The following MAP3K7CL variants were observed in gnomAD, a reference collection of about 807,000 sequenced individuals.
MAP3K7CL encodes MAP3K7 C-terminal like, also known as MAP3K7 C-terminal-like protein.
MAP3K7CL carries 16 observed loss-of-function variants against 18.6 expected under a neutral mutation model. The ratio of observed to expected loss-of-function variants is 0.86; its 90% CI spans 0.58 to 1.31. MAP3K7CL has a LOEUF of 1.31. MAP3K7CL is among the 50% of genes most tolerant of loss of function. The pLI is 0.00. For missense variants in MAP3K7CL, 163 were observed against 174.4 expected (o/e 0.93, Z 0.37); for synonymous variants, 65 against 66.8 (o/e 0.97, Z 0.13).
At position 29,159,925 on chromosome 21, in the gene MAP3K7CL, CTTG is replaced by C. The variant is rs1568968731; in HGVS notation, c.133-10_133-8del. ...ATGCAAAGAAATGGACTAATTTCTT[CTTG>C]TTGTTTGTGAAGCCCCTGCCGCCTT... On this transcript the variant is annotated splice_polypyrimidine_tract_variant and intron_variant, in intron 3 of 4. Transcript: ENST00000399928. 2.5e-6 allele frequency: 4 copies of C among 1,600,670 alleles called. No individual in the cohort carries two copies. Among genetic ancestry groups the C allele is most frequent in the Admixed American group, 1.7e-5 (1 of 59,460 alleles).
intron 2 of MAP3K7CL, among the ~76,000 whole-genome samples, chr21:29,137,886 T>C (rs535596850): frequency 6.6e-6 from 1 of 152,108 alleles, no homozygotes; most frequent in South Asian, 2.1e-4. Flanking sequence ...ATGATGAAAG[T>C]GGTAAAAATT....
At chr21:29,112,083 C>T (rs188112141) in intron 4 of MAP3K7CL, among the ~76,000 whole-genome samples, 3 of 152,152 alleles carry the variant, frequency 2.0e-5, no homozygotes, top group Non-Finnish European at 2.9e-5. Context: ...GATCACCTGA[C>T]GTCAGGAGAT....
chr21:29,107,527 G>T (rs2086345156), intron 4 of MAP3K7CL, among the ~76,000 whole-genome samples: 1 of 152,130 alleles, frequency 6.6e-6, no homozygotes, highest in South Asian at 2.1e-4. Context: ...GTGATTTAGG[G>T]TAGGCCTGTT....
upstream of MAP3K7CL, among the ~76,000 whole-genome samples, chr21:29,126,009 T>C (rs1298118469): frequency 6.6e-6 from 1 of 152,264 alleles, no homozygotes; most frequent in Non-Finnish European, 1.5e-5. Context: ...ACTTTGGGAC[T>C]TTTGCTTTAC....
chr21:29,079,160 A>G (rs1285703193), intron 1 of MAP3K7CL, among the ~76,000 whole-genome samples: 28 of 152,216 alleles, frequency 1.8e-4, no homozygotes, highest in Admixed American at 1.8e-3. Context: ...AGGTGATGAG[A>G]AACTGCTTCA....
At chr21:29,081,714 A>G (rs2085839333), upstream of MAP3K7CL, among the ~76,000 whole-genome samples, 1 of 152,276 alleles carries the variant, frequency 6.6e-6, no homozygotes, top group South Asian at 2.1e-4. Flanking sequence ...ATTCTTTTTT[A>G]TATTTTAGCC....
chr21:29,168,553 T>C (rs1159095666), intron 4 of MAP3K7CL, among the ~76,000 whole-genome samples: 2 of 152,222 alleles, frequency 1.3e-5, no homozygotes, highest in East Asian at 3.8e-4. Context: ...GAGTTTAAGC[T>C]GTTAATGCCC....
chr21:29,108,954 A>G (rs2146552586), intron 4 of MAP3K7CL: 1 of 1,169,540 alleles, frequency 8.6e-7, no homozygotes. Context: ...CTTTGGTTAC[A>G]GTCTTGAAGG....
At chr21:29,121,184 A>G (rs2086589215) in intron 4 of MAP3K7CL, among the ~76,000 whole-genome samples, 1 of 151,752 alleles carries the variant, frequency 6.6e-6, no homozygotes, top group Non-Finnish European at 1.5e-5. Context: ...ATGGCACTCA[A>G]GTTTGGGCAA....
At chr21:29,116,364 A>C (rs932977738) in intron 4 of MAP3K7CL, among the ~76,000 whole-genome samples, 1 of 152,224 alleles carries the variant, frequency 6.6e-6, no homozygotes, top group African/African-American at 2.4e-5. Flanking sequence ...TGTAAATATA[A>C]ATGATGGATG....
chr21:29,147,644 T>G (rs2087165661), intron 2 of MAP3K7CL, among the ~76,000 whole-genome samples: 3 of 151,852 alleles, frequency 2.0e-5, no homozygotes, highest in Admixed American at 2.0e-4. Flanking sequence ...CTGTACTGTA[T>G]GTGTGTACTG....
chr21:29,103,548 T>C (rs950268938), intron 4 of MAP3K7CL, among the ~76,000 whole-genome samples: 16 of 152,282 alleles, frequency 1.1e-4, no homozygotes, highest in South Asian at 4.2e-4. Flanking sequence ...CTGGCCAACG[T>C]GATGAAACCC....
chr21:29,111,155 CT>C (rs2086413144), intron 4 of MAP3K7CL, among the ~76,000 whole-genome samples: 1 of 152,022 alleles, frequency 6.6e-6, no homozygotes, highest in Non-Finnish European at 1.5e-5. Context: ...ACTCGGGAGG[CT>C]GAGGCAGAAG....
intron 1 of MAP3K7CL, among the ~76,000 whole-genome samples, chr21:29,086,792 A>G (rs2085932310): frequency 6.6e-6 from 1 of 152,186 alleles, no homozygotes; most frequent in African/African-American, 2.4e-5. Context: ...AGTAATAAAT[A>G]TTTTGGACTT....
chr21:29,153,347 A>T (rs1451784813), intron 3 of MAP3K7CL, among the ~76,000 whole-genome samples: 1 of 152,246 alleles, frequency 6.6e-6, no homozygotes, highest in African/African-American at 2.4e-5. Context: ...CATGCCCATC[A>T]GGGACAGTAT....
upstream of MAP3K7CL, among the ~76,000 whole-genome samples, chr21:29,085,385 A>T (rs1256091118): frequency 6.6e-6 from 1 of 152,140 alleles, no homozygotes; most frequent in Non-Finnish European, 1.5e-5. Flanking sequence ...CTATGAATAA[A>T]CAAAATAAAG....
At chr21:29,137,324 T>C (rs1348031913) in intron 2 of MAP3K7CL, among the ~76,000 whole-genome samples, 3 of 152,224 alleles carry the variant, frequency 2.0e-5, no homozygotes, top group Admixed American at 6.5e-5. Flanking sequence ...GGTTTCGGTG[T>C]TTCCAGCAGT....
chr21:29,111,154 G>C (rs941788685), intron 4 of MAP3K7CL, among the ~76,000 whole-genome samples: 12 of 152,116 alleles, frequency 7.9e-5, no homozygotes, highest in Non-Finnish European at 1.3e-4. Flanking sequence ...TACTCGGGAG[G>C]CTGAGGCAGA....
At chr21:29,115,606 C>A (rs1221879062) in intron 4 of MAP3K7CL, among the ~76,000 whole-genome samples, 2 of 152,282 alleles carry the variant, frequency 1.3e-5, no homozygotes, top group East Asian at 1.9e-4. Flanking sequence ...ACCTCCATTT[C>A]CCCATCTGTA....
Sources: allele counts gnomAD v4.1 joint callset (sites outside exome capture counted in the v4.1 genomes callset), GRCh38; gene constraint gnomAD v4.1.1; transcripts MANE v1.5; gene names NCBI Gene and HGNC (gene_info 2026-07-23, HGNC 2026-07-21).